The following DLGAP1 variants were observed in gnomAD, a reference collection of about 807,000 sequenced individuals.
The protein encoded by DLGAP1 is disks large-associated protein 1.
Under a neutral mutation model 90.8 loss-of-function variants are expected in DLGAP1, and 11 were observed. The observed-to-expected ratio is 0.12, with a 90% CI of 0.08 to 0.20. The LOEUF (loss-of-function observed/expected upper bound fraction) is 0.20, where lower values mean the gene tolerates loss of function less well. Among genes scored for constraint, DLGAP1 ranks in the 10% least tolerant of loss-of-function variants. The pLI is 1.00. For missense variants in DLGAP1, 1,050 were observed against 1,333.8 expected (o/e 0.79, Z 3.31); for synonymous variants, 558 against 540.7 (o/e 1.03, Z -0.44).
intron 1 of DLGAP1, among the ~76,000 whole-genome samples, chr18:4,257,997 G>GTA (rs2078927642): frequency 7.0e-6 from 1 of 143,464 alleles, no homozygotes; most frequent in African/African-American, 2.9e-5. Context: ...GTGTGTGTGT[G>GTA]TGTGTGTGTG....
chr18:4,363,442 C>G (rs947490732), intron 1 of DLGAP1, among the ~76,000 whole-genome samples: 2 of 152,108 alleles, frequency 1.3e-5, no homozygotes, highest in African/African-American at 4.8e-5. Context: ...CTAAGCTGTC[C>G]TAACACAGTG....
Position 4,117,719 on chromosome 18 carries a change from C to T in DLGAP1, c.-159+33461G>A, listed in dbSNP as rs568445274. Among the ~76,000 whole-genome samples the T allele has an allele frequency of 5.3e-5, 8 of 152,264 alleles. No homozygotes were observed. In the East Asian group the frequency reaches 1.5e-3, roughly 29 times the overall value. On this transcript the variant is annotated intron_variant, in intron 2 of 12. Coordinates refer to ENST00000315677, the MANE Select transcript of DLGAP1 (RefSeq NM_004746.4). ...ACTACTAGCTTGGATTTTTCTTCTC[C>T]CATCACTCTGGAGAAGGCACAGTCT...
chr18:4,033,984 G>A (rs1486755255), intron 2 of DLGAP1, among the ~76,000 whole-genome samples: 2 of 149,700 alleles, frequency 1.3e-5, no homozygotes, highest in East Asian at 2.0e-4. Flanking sequence ...TGATCTGCCC[G>A]CCTCCGCCTC....
rs2143518641 is a variant in DLGAP1, at chr18:3,497,194, C to T, written c.*1991G>A. ...TACCCAAGTGGCAGTTGGCCCTACT[C>T]GATGCAAGCTTTGTGTGACTTTTAA... On this transcript the variant is annotated 3_prime_UTR_variant, in exon 13 of 13. Coordinates refer to ENST00000315677, the MANE Select transcript of DLGAP1 (RefSeq NM_004746.4). 1 of 152,226 alleles carries T rather than the reference C, an allele frequency of 6.6e-6. No homozygotes were observed. Among genetic ancestry groups the T allele is most frequent in the African/African-American group, 2.4e-5 (1 of 41,518 alleles). The allele number at this position is 152,226 out of a possible 1,614,324, so 9.4% of individuals were successfully genotyped here.
intron 7 of DLGAP1, among the ~76,000 whole-genome samples, chr18:3,610,492 T>C (rs2057554240): frequency 6.6e-6 from 1 of 152,070 alleles, no homozygotes; most frequent in East Asian, 1.9e-4. Flanking sequence ...CATAACCTAT[T>C]TTGCCATGCT....
chr18:4,148,621 A>C (rs975703652), intron 2 of DLGAP1, among the ~76,000 whole-genome samples: 1 of 151,960 alleles, frequency 6.6e-6, no homozygotes, highest in South Asian at 2.1e-4. Context: ...CCCTAGTTTG[A>C]TTCTGTCTGC....
intron 7 of DLGAP1, among the ~76,000 whole-genome samples, chr18:3,638,228 T>C (rs1227639597): frequency 6.7e-6 from 1 of 149,716 alleles, no homozygotes; most frequent in African/African-American, 2.5e-5. Flanking sequence ...ATTACAGGCG[T>C]GAGCCACCGT....
intron 5 of DLGAP1, among the ~76,000 whole-genome samples, chr18:3,780,986 A>T (rs541243149): frequency 1.8e-4 from 27 of 152,146 alleles, no homozygotes; most frequent in African/African-American, 4.6e-4. Context: ...ATTAAAAAAA[A>T]TTTTTAAAAA....
At chr18:3,997,659 A>G (rs944589152) in intron 3 of DLGAP1, among the ~76,000 whole-genome samples, 3 of 152,154 alleles carry the variant, frequency 2.0e-5, no homozygotes, top group South Asian at 2.1e-4. Flanking sequence ...AGCCACAAAT[A>G]TAATTTAAAA....
chr18:4,411,744 C>A (rs1487790800), intron 1 of DLGAP1, among the ~76,000 whole-genome samples: 1 of 152,152 alleles, frequency 6.6e-6, no homozygotes, highest in Non-Finnish European at 1.5e-5. Flanking sequence ...GCTAGGATAT[C>A]AGCTTAGGAT....
At chr18:4,363,223 G>A (rs559861756) in intron 1 of DLGAP1, among the ~76,000 whole-genome samples, 92 of 152,246 alleles carry the variant, frequency 6.0e-4, no homozygotes, top group African/African-American at 2.2e-3. Flanking sequence ...ATGCACACAG[G>A]GAAAACAAGG....
At chr18:4,415,859 G>C (rs1024319464) in intron 1 of DLGAP1, among the ~76,000 whole-genome samples, 1 of 152,146 alleles carries the variant, frequency 6.6e-6, no homozygotes, top group Non-Finnish European at 1.5e-5. Flanking sequence ...AATAAAGACA[G>C]GGTGTTTATA....
At chr18:3,874,929 C>A (rs2070958450) in intron 4 of DLGAP1, among the ~76,000 whole-genome samples, 1 of 152,106 alleles carries the variant, frequency 6.6e-6, no homozygotes, top group Non-Finnish European at 1.5e-5. Flanking sequence ...GTATTTGATT[C>A]CTAAGTCAAT....
At chr18:3,910,311 G>A (rs2072003786) in intron 3 of DLGAP1, among the ~76,000 whole-genome samples, 2 of 151,812 alleles carry the variant, frequency 1.3e-5, no homozygotes, top group East Asian at 1.9e-4. Context: ...TAGTGAGAAG[G>A]TAATACATTT....
intron 7 of DLGAP1, among the ~76,000 whole-genome samples, chr18:3,657,671 C>G (rs567738087): frequency 6.7e-6 from 1 of 149,140 alleles, no homozygotes; most frequent in African/African-American, 2.5e-5. Flanking sequence ...GGCGCGATCT[C>G]GGCTCACTGC....
chr18:4,427,331 C>T (rs1468528184), intron 1 of DLGAP1, among the ~76,000 whole-genome samples: 1 of 152,154 alleles, frequency 6.6e-6, no homozygotes. Flanking sequence ...ATGCAATAAA[C>T]AAAGGATGGG....
At chr18:4,366,377 A>G (rs1176524402) in intron 1 of DLGAP1, among the ~76,000 whole-genome samples, 1 of 152,134 alleles carries the variant, frequency 6.6e-6, no homozygotes, top group Non-Finnish European at 1.5e-5. Context: ...GATTCTTTCA[A>G]TTTAAAAGCC....
chr18:3,559,643 T>TG (rs1491341074), intron 9 of DLGAP1, among the ~76,000 whole-genome samples: 1 of 149,260 alleles, frequency 6.7e-6, no homozygotes, highest in Non-Finnish European at 1.5e-5. Flanking sequence ...TTTTTTTTTT[T>TG]GCGGAGTCTC....
chr18:3,925,639 C>T (rs1335156613), intron 3 of DLGAP1, among the ~76,000 whole-genome samples: 1 of 152,134 alleles, frequency 6.6e-6, no homozygotes, highest in Non-Finnish European at 1.5e-5. Context: ...TGTTTAAAGA[C>T]CTTCATACTT....
Sources: allele counts gnomAD v4.1 joint callset (sites outside exome capture counted in the v4.1 genomes callset), GRCh38; gene constraint gnomAD v4.1.1; transcripts MANE v1.5; gene names NCBI Gene and HGNC (gene_info 2026-07-23, HGNC 2026-07-21).